The following VTI1A variants were observed in gnomAD, a reference collection of about 807,000 sequenced individuals.
VTI1A encodes vesicle transport through interaction with t-SNAREs 1A.
In VTI1A, 22 loss-of-function variants were observed where a neutral mutation model predicts 34.9. The observed-to-expected ratio is 0.63, with a 90% CI of 0.45 to 0.90. VTI1A has a LOEUF of 0.90. Among genes scored for constraint, VTI1A ranks in the 40% least tolerant of loss-of-function variants. The pLI is 0.00. For synonymous variants in VTI1A, 87 were observed against 97.3 expected (o/e 0.89, Z 0.62); for missense variants, 268 against 275.6 (o/e 0.97, Z 0.20).
chr10:112,573,931 T>G (rs2134374098), intron 5 of VTI1A, among the ~76,000 whole-genome samples: 1 of 152,336 alleles, frequency 6.6e-6, no homozygotes, highest in South Asian at 2.1e-4. Flanking sequence ...TTGTACTTTG[T>G]CTTCCCCCAG....
intron 1 of VTI1A, among the ~76,000 whole-genome samples, chr10:112,455,904 T>C (rs1179850516): frequency 6.6e-6 from 1 of 152,096 alleles, no homozygotes; most frequent in Non-Finnish European, 1.5e-5. Flanking sequence ...AATTTGTCAT[T>C]TCAAATGGGA....
At chr10:112,502,024 C>CTT (rs71489973) in intron 3 of VTI1A, among the ~76,000 whole-genome samples, 11 of 119,330 alleles carry the variant, frequency 9.2e-5, no homozygotes, top group African/African-American at 1.9e-4. Flanking sequence ...AGAATCCTTA[C>CTT]TTTTTTTTTT....
chr10:112,716,288 C>T (rs1849610915), intron 7 of VTI1A, among the ~76,000 whole-genome samples: 1 of 152,146 alleles, frequency 6.6e-6, no homozygotes, highest in African/African-American at 2.4e-5. Context: ...TTGAAGGCAA[C>T]ATGTCTTGGC....
At chr10:112,783,026 G>T (rs1389225209) in intron 7 of VTI1A, among the ~76,000 whole-genome samples, 5 of 151,086 alleles carry the variant, frequency 3.3e-5, no homozygotes, top group Non-Finnish European at 7.4e-5. Flanking sequence ...AAAAAAAGTA[G>T]ACACGAATCT....
intron 5 of VTI1A, among the ~76,000 whole-genome samples, chr10:112,588,422 A>G (rs543989674): frequency 1.1e-4 from 16 of 152,342 alleles, no homozygotes; most frequent in African/African-American, 3.8e-4. Context: ...ACAGTAGTAT[A>G]TTTGTAGGAA....
At chr10:112,848,999 G>A in the VTI1A span, among the ~76,000 whole-genome samples, 1 of 152,168 alleles carries the variant, frequency 6.6e-6, no homozygotes, top group African/African-American at 2.4e-5. Flanking sequence ...TTCCCAACAT[G>A]CACACATATT....
chr10:112,763,454 AG>A (rs1189621589), intron 7 of VTI1A, among the ~76,000 whole-genome samples: 2 of 151,094 alleles, frequency 1.3e-5, no homozygotes, highest in African/African-American at 2.4e-5. Context: ...AAAAAAAAAA[AG>A]GTACCACTGG....
chr10:112,752,466 C>T, intron 7 of VTI1A: 1 of 985,436 alleles, frequency 1.0e-6, no homozygotes, highest in South Asian at 4.7e-5. Context: ...GGAGATTTCA[C>T]CCACTGCATT....
At chr10:112,528,880 A>G (rs1488521058) in intron 4 of VTI1A, among the ~76,000 whole-genome samples, 2 of 152,072 alleles carry the variant, frequency 1.3e-5, no homozygotes, top group African/African-American at 4.8e-5. Context: ...TTTTTTTTCA[A>G]ACGTGTTCAC....
intron 7 of VTI1A, among the ~76,000 whole-genome samples, chr10:112,676,756 G>A (rs1193471412): frequency 6.6e-6 from 1 of 152,190 alleles, no homozygotes; most frequent in Non-Finnish European, 1.5e-5. Context: ...CCAGTTGCAT[G>A]TGGCAGAAAT....
the VTI1A span, among the ~76,000 whole-genome samples, chr10:112,830,460 C>T: frequency 6.6e-6 from 1 of 151,642 alleles, no homozygotes; most frequent in East Asian, 2.0e-4. Flanking sequence ...TCTCAGGTTA[C>T]ATACACCATC....
chr10:112,652,071 G>T (rs960944409), intron 5 of VTI1A, among the ~76,000 whole-genome samples: 8 of 151,892 alleles, frequency 5.3e-5, no homozygotes, highest in African/African-American at 1.9e-4. Context: ...TCCTTCAGGT[G>T]AAAAAAGAAA....
intron 5 of VTI1A, among the ~76,000 whole-genome samples, chr10:112,604,560 T>C (rs1181202521): frequency 1.3e-5 from 2 of 152,212 alleles, no homozygotes; most frequent in African/African-American, 4.8e-5. Flanking sequence ...GAAACTCTTA[T>C]ACACTCATAA....
chr10:112,584,124 A>C (rs1348973624), intron 5 of VTI1A, among the ~76,000 whole-genome samples: 12 of 152,242 alleles, frequency 7.9e-5, no homozygotes, highest in East Asian at 5.8e-4. Context: ...GCACATAAGT[A>C]AACAGATTCA....
intron 5 of VTI1A, among the ~76,000 whole-genome samples, chr10:112,560,076 G>C (rs1485335895): frequency 6.6e-6 from 1 of 152,142 alleles, no homozygotes; most frequent in Non-Finnish European, 1.5e-5. Flanking sequence ...GCTGACTCTG[G>C]TCCATTGAGT....
chr10:112,774,366 C>T (rs921447329), intron 7 of VTI1A, among the ~76,000 whole-genome samples: 5 of 152,176 alleles, frequency 3.3e-5, no homozygotes, highest in Non-Finnish European at 5.9e-5. Flanking sequence ...AAATCCATGA[C>T]CTGGGCCTGC....
chr10:112,743,593 C>G (rs774072459), intron 7 of VTI1A, among the ~76,000 whole-genome samples: 7 of 152,112 alleles, frequency 4.6e-5, no homozygotes, highest in Non-Finnish European at 8.8e-5. Context: ...TATTCATGAG[C>G]CAGGGGGGAG....
chr10:112,729,961 A>C (rs1850189658), intron 7 of VTI1A, among the ~76,000 whole-genome samples: 1 of 152,220 alleles, frequency 6.6e-6, no homozygotes, highest in Non-Finnish European at 1.5e-5. Flanking sequence ...AAGGCTGGGC[A>C]TGCTGACCTC....
chr10:112,656,342 A>C (rs897565389), intron 5 of VTI1A, among the ~76,000 whole-genome samples: 1 of 151,804 alleles, frequency 6.6e-6, no homozygotes, highest in African/African-American at 2.4e-5. Flanking sequence ...TTTTGTTGAA[A>C]AATTCAATAA....
Sources: allele counts gnomAD v4.1 joint callset (sites outside exome capture counted in the v4.1 genomes callset), GRCh38; gene constraint gnomAD v4.1.1; transcripts MANE v1.5; gene names NCBI Gene and HGNC (gene_info 2026-07-23, HGNC 2026-07-21).